ASTN2: variants seen among roughly 807,000 people sequenced by gnomAD.
ASTN2 encodes astrotactin-2.
In ASTN2, 54 loss-of-function variants were observed where a neutral mutation model predicts 139.8. The observed-to-expected ratio is 0.39, with a 90% CI of 0.31 to 0.48. The LOEUF (loss-of-function observed/expected upper bound fraction) is 0.48, where lower values mean the gene tolerates loss of function less well. Among genes scored for constraint, ASTN2 ranks in the 20% least tolerant of loss-of-function variants. ASTN2 has a pLI of 0.95. For synonymous variants in ASTN2, 756 were observed against 719.5 expected, an observed-to-expected ratio of 1.05 and a Z score of -0.81; for missense variants, 1,565 against 1,725.1, an observed-to-expected ratio of 0.91 and a Z score of 1.64.
chr9:116,742,558 G>A (rs943405191), intron 13 of ASTN2, among the ~76,000 whole-genome samples: 1 of 152,052 alleles, frequency 6.6e-6, no homozygotes, highest in Admixed American at 6.6e-5. Context: ...GTGAGCAGGG[G>A]TGATAGGGTT....
chr9:117,361,499 G>A (rs777329300), intron 1 of ASTN2, among the ~76,000 whole-genome samples: 8 of 152,134 alleles, frequency 5.3e-5, no homozygotes, highest in Admixed American at 1.3e-4. Flanking sequence ...TGCTGTAAGA[G>A]TAAAACAAAA....
chr9:116,990,443 T>C (rs1191047672), intron 7 of ASTN2, among the ~76,000 whole-genome samples: 2 of 149,594 alleles, frequency 1.3e-5, no homozygotes, highest in Non-Finnish European at 3.0e-5. Context: ...GTTTTCTATT[T>C]TTTAGTAGAA....
intron 10 of ASTN2, among the ~76,000 whole-genome samples, chr9:116,961,182 C>G (rs1199658847): frequency 6.6e-6 from 1 of 151,032 alleles, no homozygotes; most frequent in Non-Finnish European, 1.5e-5. Flanking sequence ...TTCCCCCCAC[C>G]CAGCCCCCCA....
At chr9:116,776,321 G>T (rs1830088341) in intron 13 of ASTN2, among the ~76,000 whole-genome samples, 1 of 152,186 alleles carries the variant, frequency 6.6e-6, no homozygotes, top group South Asian at 2.1e-4. Context: ...CAAGCATAGT[G>T]CTGAGTATAA....
chr9:117,269,192 T>A (rs766868101), intron 2 of ASTN2, among the ~76,000 whole-genome samples: 27 of 152,318 alleles, frequency 1.8e-4, no homozygotes, highest in Middle Eastern at 3.4e-3. Context: ...GGTGCTTACA[T>A]TTCAGCAAAA....
intron 10 of ASTN2, among the ~76,000 whole-genome samples, chr9:116,896,902 G>A (rs190818619): frequency 4.1e-4 from 62 of 152,256 alleles, no homozygotes; most frequent in African/African-American, 1.3e-3. Context: ...TGAGATTTGC[G>A]TGGGGACACA....
intron 19 of ASTN2, among the ~76,000 whole-genome samples, chr9:116,586,524 A>G (rs1854148553): frequency 6.6e-6 from 1 of 152,206 alleles, no homozygotes; most frequent in Non-Finnish European, 1.5e-5. Context: ...GATTATCCTA[A>G]GCAAATTAAT....
intron 4 of ASTN2, among the ~76,000 whole-genome samples, chr9:117,112,047 GA>G (rs897127897): frequency 6.6e-6 from 1 of 151,784 alleles, no homozygotes; most frequent in Non-Finnish European, 1.5e-5. Context: ...CAATAGTGTA[GA>G]AAAAACTCTC....
Position 117,157,665 on chromosome 9 carries a change from T to C in ASTN2, c.1016-16187A>G, listed in dbSNP as rs543406361. ...GAATGAAAGGTTTTCTTAGGTGGCA[T>C]ACATAAAGATGCAGAAGTACAAACT... On this transcript the variant is annotated intron_variant, in intron 3 of 22. Transcript: ENST00000313400. Among the ~76,000 whole-genome samples the C allele has an allele frequency of 7.2e-5, 11 of 152,130 alleles. No individual in the cohort carries two copies. The South Asian group carries it at 2.3e-3, about 32-fold the overall frequency.
At chr9:116,767,717 C>T (rs777850399) in intron 13 of ASTN2, among the ~76,000 whole-genome samples, 2 of 152,140 alleles carry the variant, frequency 1.3e-5, no homozygotes, top group Non-Finnish European at 2.9e-5. Context: ...ATGCTCAGAA[C>T]CCTCGTGAGC....
chr9:116,622,056 T>A (rs1210908302), intron 17 of ASTN2, among the ~76,000 whole-genome samples: 2 of 152,228 alleles, frequency 1.3e-5, no homozygotes, highest in Non-Finnish European at 2.9e-5. Flanking sequence ...TCTTTCATGT[T>A]TTTTACTTTT....
intron 20 of ASTN2, among the ~76,000 whole-genome samples, chr9:116,472,857 G>T (rs1236666027): frequency 6.6e-6 from 1 of 151,228 alleles, no homozygotes; most frequent in Non-Finnish European, 1.5e-5. Context: ...AACCCGGGAG[G>T]TGGAGTTTGC....
intron 10 of ASTN2, among the ~76,000 whole-genome samples, chr9:116,885,832 C>T (rs1378477886): frequency 6.6e-6 from 1 of 152,160 alleles, no homozygotes; most frequent in African/African-American, 2.4e-5. Context: ...TTCAATAAGG[C>T]TGTTTGCTCA....
chr9:117,066,605 C>T (rs1827952198), intron 5 of ASTN2, among the ~76,000 whole-genome samples: 1 of 151,010 alleles, frequency 6.6e-6, no homozygotes. Context: ...CTGACTTCCA[C>T]AATGGTTGAA....
At chr9:117,209,011 T>C (rs902598404) in intron 3 of ASTN2, among the ~76,000 whole-genome samples, 2 of 152,174 alleles carry the variant, frequency 1.3e-5, no homozygotes, top group Admixed American at 1.3e-4. Context: ...ATAACAACTA[T>C]GATCATGAAA....
chr9:117,168,250 A>G (rs1830713750), intron 3 of ASTN2, among the ~76,000 whole-genome samples: 1 of 152,126 alleles, frequency 6.6e-6, no homozygotes, highest in Non-Finnish European at 1.5e-5. Context: ...TATGGGAAGA[A>G]CCAAGAAAAT....
At chr9:116,497,889 G>C (rs1237837704) in intron 19 of ASTN2, among the ~76,000 whole-genome samples, 1 of 152,176 alleles carries the variant, frequency 6.6e-6, no homozygotes, top group East Asian at 1.9e-4. Flanking sequence ...TTGTAAAGTG[G>C]AAAGAACCAA....
chr9:117,379,012 C>T (rs1320400055), intron 1 of ASTN2, among the ~76,000 whole-genome samples: 1 of 152,148 alleles, frequency 6.6e-6, no homozygotes, highest in Non-Finnish European at 1.5e-5. Flanking sequence ...CCGTGTGAGA[C>T]GTCATGCTCC....
chr9:117,127,781 C>T (rs1408536248), intron 4 of ASTN2, among the ~76,000 whole-genome samples: 4 of 146,212 alleles, frequency 2.7e-5, no homozygotes, highest in East Asian at 2.2e-4. Flanking sequence ...CCCGGGTTCA[C>T]GCCATTCTCC....
Sources: gnomAD v4.1 joint callset for allele counts (sites outside exome capture counted in the v4.1 genomes callset) on GRCh38, gnomAD v4.1.1 for gene constraint, MANE v1.5 for transcripts, NCBI Gene and HGNC (gene_info 2026-07-23, HGNC 2026-07-21) for gene names.